CSMD1: variants seen among roughly 807,000 people sequenced by gnomAD.
CSMD1 encodes the protein CUB and Sushi multiple domains 1, also known as CUB and sushi domain-containing protein 1.
A neutral mutation model predicts 417.5 loss-of-function variants in CSMD1; 213 were observed. The ratio of observed to expected loss-of-function variants is 0.51; its 90% CI spans 0.46 to 0.57. The LOEUF (loss-of-function observed/expected upper bound fraction) is 0.57. Ranked by LOEUF, CSMD1 falls within the 20% of genes least tolerant of loss-of-function variation. CSMD1 has a pLI of 0.00. For synonymous variants in CSMD1, 2,862 were observed against 1,736.8 expected, an observed-to-expected ratio of 1.65 and a Z score of -16.11; for missense variants, 6,923 against 4,529.7, an observed-to-expected ratio of 1.53 and a Z score of -15.17.
chr8:3,135,970 G>A (rs1477623025), intron 41 of CSMD1, among the ~76,000 whole-genome samples: 4 of 152,170 alleles, frequency 2.6e-5, no homozygotes, highest in Non-Finnish European at 4.4e-5. Flanking sequence ...CTGAGGCCCA[G>A]GCTCCAGACA....
intron 7 of CSMD1, among the ~76,000 whole-genome samples, chr8:3,657,845 A>G (rs1471493809): frequency 2.0e-5 from 3 of 152,186 alleles, no homozygotes; most frequent in Non-Finnish European, 2.9e-5. Flanking sequence ...GAAGTATAAT[A>G]ATAATAAAAG....
intron 2 of CSMD1, among the ~76,000 whole-genome samples, chr8:4,601,084 G>A (rs1020675250): frequency 6.6e-6 from 1 of 151,574 alleles, no homozygotes; most frequent in Non-Finnish European, 1.5e-5. Context: ...AGCCTCCCAA[G>A]TAGCTGGGAT....
At chr8:3,543,082 G>C (rs1798509129) in intron 10 of CSMD1, among the ~76,000 whole-genome samples, 1 of 152,172 alleles carries the variant, frequency 6.6e-6, no homozygotes, top group Non-Finnish European at 1.5e-5. Flanking sequence ...AGTGCAAAGG[G>C]AACCTGCTTC....
intron 3 of CSMD1, among the ~76,000 whole-genome samples, chr8:4,259,571 G>T (rs537130261): frequency 1.3e-5 from 2 of 151,464 alleles, no homozygotes; most frequent in Admixed American, 1.3e-4. Flanking sequence ...GTAATACTCT[G>T]TTACCGATCA....
At chr8:3,675,824 C>G (rs764643477) in intron 7 of CSMD1, among the ~76,000 whole-genome samples, 7 of 152,202 alleles carry the variant, frequency 4.6e-5, no homozygotes, top group Non-Finnish European at 1.0e-4. Context: ...CCAGAGTTGA[C>G]TAAGCTGGTG....
rs1232353346 is a variant in CSMD1 at position 4,550,165 on chromosome 8, G to C, written c.302+87177C>G. 2.6e-5 allele frequency among the ~76,000 whole-genome samples: 4 copies of C among 151,780 alleles called. No individual in the cohort carries two copies. The East Asian group carries it at 7.8e-4, about 30-fold the overall frequency. On this transcript the variant is annotated intron_variant, in intron 2 of 69. Coordinates refer to ENST00000635120, the MANE Select transcript of CSMD1 (RefSeq NM_033225.6). ...GTGTGGCCACATGACGAAGGTCTCA[G>C]CAAAAGAAGTTCATGGGATGTGCTG...
intron 5 of CSMD1, among the ~76,000 whole-genome samples, chr8:3,922,634 T>C (rs1388286615): frequency 6.6e-6 from 1 of 152,226 alleles, no homozygotes; most frequent in Non-Finnish European, 1.5e-5. Flanking sequence ...GATAAAAATG[T>C]AAATTTGGTC....
chr8:2,953,428 T>C (rs1278311358), intron 65 of CSMD1, among the ~76,000 whole-genome samples: 5 of 150,442 alleles, frequency 3.3e-5, no homozygotes, highest in Admixed American at 1.3e-4. Context: ...CTTTCCATGT[T>C]TGATTCTAAA....
At chr8:4,928,017 G>C (rs1487029274) in intron 1 of CSMD1, among the ~76,000 whole-genome samples, 2 of 152,124 alleles carry the variant, frequency 1.3e-5, no homozygotes, top group African/African-American at 2.4e-5. Context: ...ATCCTCAGCG[G>C]CAAAAGTAGA....
intron 26 of CSMD1, among the ~76,000 whole-genome samples, chr8:3,279,867 C>G (rs1034612301): frequency 1.3e-5 from 2 of 152,174 alleles, no homozygotes; most frequent in African/African-American, 4.8e-5. Flanking sequence ...AAACTGCCCT[C>G]ATGATCCAAC....
At chr8:3,013,135 G>C (rs186135519) in intron 52 of CSMD1, among the ~76,000 whole-genome samples, 1 of 152,138 alleles carries the variant, frequency 6.6e-6, no homozygotes, top group African/African-American at 2.4e-5. Context: ...TCTTAGCAGC[G>C]TGAGAACAGA....
At chr8:4,022,374 A>G (rs1041448527) in intron 4 of CSMD1, among the ~76,000 whole-genome samples, 6 of 152,054 alleles carry the variant, frequency 3.9e-5, no homozygotes, top group African/African-American at 1.4e-4. Context: ...ATGAAGCAAC[A>G]CTGTAAAAAT....
chr8:4,475,010 T>A (rs1472696625), intron 2 of CSMD1, among the ~76,000 whole-genome samples: 2 of 152,140 alleles, frequency 1.3e-5, no homozygotes, highest in African/African-American at 4.8e-5. Context: ...AGTTGAAAGT[T>A]TTATGTGGAT....
chr8:3,992,801 G>C lies in CSMD1; in HGVS notation c.818+5102C>G, dbSNP rs534301477. On this transcript the variant is annotated intron_variant, in intron 5 of 69. Transcript: ENST00000635120. ...GTACTAACATTAAAAAATTATAAAG[G>C]AAAGCACAAAAAACAATTCGCCCAT... Among the ~76,000 whole-genome samples, 6 of 152,304 alleles carry C rather than the reference G, an allele frequency of 3.9e-5. No individual in the cohort carries two copies. The East Asian group carries it at 5.8e-4, about 15-fold the overall frequency.
intron 2 of CSMD1, among the ~76,000 whole-genome samples, chr8:4,621,867 G>T (rs1801796771): frequency 6.6e-6 from 1 of 151,846 alleles, no homozygotes; most frequent in Non-Finnish European, 1.5e-5. Flanking sequence ...TGAGAAGTTG[G>T]ATTAAAATTT....
intron 1 of CSMD1, among the ~76,000 whole-genome samples, chr8:4,745,391 A>G (rs930777599): frequency 6.6e-6 from 1 of 152,340 alleles, no homozygotes; most frequent in Non-Finnish European, 1.5e-5. Context: ...AGCTTTAATA[A>G]GTATTAAATA....
chr8:2,960,596 G>A (rs575788173), intron 62 of CSMD1, among the ~76,000 whole-genome samples: 1 of 152,236 alleles, frequency 6.6e-6, no homozygotes, highest in East Asian at 1.9e-4. Context: ...AAAGTCAAAT[G>A]AACGTTCCAA....
chr8:4,474,680 T>C (rs1333219980), intron 2 of CSMD1, among the ~76,000 whole-genome samples: 1 of 152,116 alleles, frequency 6.6e-6, no homozygotes, highest in Admixed American at 6.6e-5. Context: ...AACAACAACG[T>C]GGATCTCAAC....
At chr8:3,268,556 G>T (rs766934769) in intron 26 of CSMD1, among the ~76,000 whole-genome samples, 26 of 151,904 alleles carry the variant, frequency 1.7e-4, no homozygotes, top group Non-Finnish European at 3.2e-4. Flanking sequence ...AAAGTGCTGG[G>T]ATTACAGGCG....
Sources: allele counts gnomAD v4.1 joint callset (sites outside exome capture counted in the v4.1 genomes callset), GRCh38; gene constraint gnomAD v4.1.1; transcripts MANE v1.5; gene names NCBI Gene and HGNC (gene_info 2026-07-23, HGNC 2026-07-21).